The following TNR variants were observed in gnomAD, a reference collection of about 807,000 sequenced individuals.
TNR encodes tenascin R.
TNR carries 45 observed loss-of-function variants against 150.4 expected under a neutral mutation model. The ratio of observed to expected loss-of-function variants is 0.30; its 90% CI spans 0.24 to 0.38. TNR has a LOEUF of 0.38. Ranked by LOEUF, TNR falls within the 10% of genes least tolerant of loss-of-function variation. TNR has a pLI of 1.00. For missense variants in TNR, 1,544 were observed against 1,759.1 expected (o/e 0.88, Z 2.19); for synonymous variants, 687 against 678.4 (o/e 1.01, Z -0.20).
chr1:175,424,795 G>A (rs981955716), intron 2 of TNR, among the ~76,000 whole-genome samples: 2 of 152,302 alleles, frequency 1.3e-5, no homozygotes, highest in East Asian at 3.9e-4. Context: ...AAGCTTCAAA[G>A]TGGGCTGGAA....
chr1:175,552,978 T>C (rs1177079314), intron 1 of TNR, among the ~76,000 whole-genome samples: 1 of 152,168 alleles, frequency 6.6e-6, no homozygotes, highest in East Asian at 1.9e-4. Context: ...CTGAGAGCCC[T>C]CTTGATGAGA....
intron 1 of TNR, among the ~76,000 whole-genome samples, chr1:175,571,423 A>C (rs6658068): frequency 6.6e-6 from 1 of 152,234 alleles, no homozygotes; most frequent in African/African-American, 2.4e-5. Flanking sequence ...TGTTATTACT[A>C]TCTCCATGTT....
chr1:175,406,604 T>C lies in TNR; in HGVS notation c.111A>G (p.Thr37=). 3 of 1,614,228 alleles carry C rather than the reference T, an allele frequency of 1.9e-6. No individual in the cohort carries two copies. Reference sequence around the variant, plus strand: ...CCACTGACTGTCTCTGGACCCTTTCTGTGGTGACCTCCAGCTGACACTCTG... The same window carrying C: ...CCACTGACTGTCTCTGGACCCTTTCCGTGGTGACCTCCAGCTGACACTCTG... The part of the protein sequence containing the change: ...KPSECQLEVT[T]ERVQRQSVEE... Residue 37 remains threonine (T), a synonymous_variant, in exon 3 of 23, where the codon ACA becomes ACG. Coordinates refer to ENST00000367674, the MANE Select transcript of TNR (RefSeq NM_003285.3).
At chr1:175,422,027 G>T (rs766620992) in intron 2 of TNR, among the ~76,000 whole-genome samples, 9 of 152,208 alleles carry the variant, frequency 5.9e-5, no homozygotes, top group Non-Finnish European at 1.0e-4. Flanking sequence ...TTTTACAGAT[G>T]CAGCAATTGA....
intron 9 of TNR, among the ~76,000 whole-genome samples, chr1:175,369,036 G>T (rs1651969643): frequency 6.6e-6 from 1 of 152,172 alleles, no homozygotes; most frequent in South Asian, 2.1e-4. Flanking sequence ...GCCTCCAGTG[G>T]TCAGTCTGAG....
intron 1 of TNR, among the ~76,000 whole-genome samples, chr1:175,614,430 G>A (rs1007516015): frequency 6.4e-4 from 98 of 152,250 alleles, no homozygotes; most frequent in African/African-American, 2.3e-3. Flanking sequence ...ACCTGGCTTG[G>A]GAGGTATGCC....
In TNR at chr1:175,654,831, G is replaced by A. The variant is rs190137539; in HGVS notation, c.-165+88395C>T. 3.0e-3 allele frequency among the ~76,000 whole-genome samples: 427 copies of A among 140,058 alleles called. 6 individuals carry two copies. The highest frequency in any genetic ancestry group is 0.011 in the African/African-American group (414 of 37,430). 91.9% of individuals were successfully genotyped at this position (140,058 alleles called of 152,430 possible). A position where few individuals can be genotyped will look rare whatever the true frequency, so the allele number is the denominator to read the frequency against. The stretch of plus-strand genomic sequence containing the variant: ...CCTCCTGGGTTCACGCCATTCTCCC[G>A]CCTCAGCCTCCCGAGTAGCTGGGAC... On this transcript the variant is annotated intron_variant, in intron 1 of 22. Transcript: ENST00000367674.
At chr1:175,595,238 G>T (rs986775221) in intron 1 of TNR, among the ~76,000 whole-genome samples, 2 of 152,294 alleles carry the variant, frequency 1.3e-5, no homozygotes, top group Non-Finnish European at 2.9e-5. Flanking sequence ...CCAGCTATTG[G>T]TAGAGAATGC....
intron 1 of TNR, among the ~76,000 whole-genome samples, chr1:175,647,435 C>CAAAAAAAAAAA (rs397745737): frequency 1.6e-5 from 2 of 121,666 alleles, no homozygotes; most frequent in African/African-American, 3.1e-5. Flanking sequence ...CTATTCGGTG[C>CAAAAAAAAAAA]AAAAAAAAAA....
chr1:175,552,552 T>C lies in TNR; in HGVS notation c.-164-24183A>G, dbSNP rs545904287. On this transcript the variant is annotated intron_variant, in intron 1 of 22. Coordinates refer to ENST00000367674, the MANE Select transcript of TNR (RefSeq NM_003285.3). ...GAACTCTTAGAGGCTGATTGGCTTATTCATTGTCACACAGCCTGGACTCCA... is the reference window on the plus strand; with the variant it reads ...GAACTCTTAGAGGCTGATTGGCTTACTCATTGTCACACAGCCTGGACTCCA... 1.7e-3 allele frequency among the ~76,000 whole-genome samples: 265 copies of C among 152,342 alleles called. 1 individual carries two copies. The highest frequency in any genetic ancestry group is 2.8e-4 in the Non-Finnish European group (19 of 68,028).
Position 175,421,541 on chromosome 1 carries a change from T to C in TNR, c.-63-14764A>G, listed in dbSNP as rs148752725. Among the ~76,000 whole-genome samples the C allele has an allele frequency of 4.2e-3, 646 of 152,366 alleles. 3 individuals carry two copies. The highest frequency in any genetic ancestry group is 0.015 in the African/African-American group (616 of 41,588). ...GGGCTGTTAGAAGATAATTATAAGA[T>C]AGTCAGTGACGTGTCTTTCTACCAT... On this transcript the variant is annotated intron_variant, in intron 2 of 22. Coordinates refer to ENST00000367674, the MANE Select transcript of TNR (RefSeq NM_003285.3).
intron 1 of TNR, among the ~76,000 whole-genome samples, chr1:175,697,638 C>T (rs1182552194): frequency 6.6e-6 from 1 of 152,178 alleles, no homozygotes; most frequent in African/African-American, 2.4e-5. Flanking sequence ...GTGGACCTTT[C>T]CCCTCACCTG....
chr1:175,701,365 C>T (rs150548110), intron 1 of TNR, among the ~76,000 whole-genome samples: 1 of 152,228 alleles, frequency 6.6e-6, no homozygotes, highest in Non-Finnish European at 1.5e-5. Context: ...ATGCATTACT[C>T]TCAAAATAGT....
intron 1 of TNR, among the ~76,000 whole-genome samples, chr1:175,720,939 C>T (rs1212439094): frequency 6.6e-6 from 1 of 152,196 alleles, no homozygotes; most frequent in Non-Finnish European, 1.5e-5. Context: ...GATTTTACGC[C>T]ACACTGAGAA....
At chr1:175,561,112 C>T (rs1202016634) in intron 1 of TNR, among the ~76,000 whole-genome samples, 2 of 152,206 alleles carry the variant, frequency 1.3e-5, no homozygotes, top group Non-Finnish European at 2.9e-5. Flanking sequence ...TTTCTAGTCT[C>T]TGCTCATTCT....
At chr1:175,707,765 A>G (rs1297419380) in intron 1 of TNR, among the ~76,000 whole-genome samples, 1 of 152,242 alleles carries the variant, frequency 6.6e-6, no homozygotes, top group Non-Finnish European at 1.5e-5. Context: ...ATAGTAGGCA[A>G]TCTCCTGAGG....
At chr1:175,603,246 A>C (rs1042151831) in intron 1 of TNR, among the ~76,000 whole-genome samples, 3 of 152,222 alleles carry the variant, frequency 2.0e-5, no homozygotes, top group Non-Finnish European at 4.4e-5. Context: ...CTTCCCATAC[A>C]TAAAGCATTG....
At chr1:175,351,455 G>C (rs1651047870) in intron 18 of TNR, among the ~76,000 whole-genome samples, 1 of 152,192 alleles carries the variant, frequency 6.6e-6, no homozygotes, top group South Asian at 2.1e-4. Context: ...TCATACTCTT[G>C]AAGGTTATAC....
intron 1 of TNR, among the ~76,000 whole-genome samples, chr1:175,560,852 C>T (rs1461066239): frequency 6.6e-6 from 1 of 152,184 alleles, no homozygotes; most frequent in African/African-American, 2.4e-5. Context: ...CTTTTAAAGC[C>T]TCTGGGTGAC....
Sources: allele counts gnomAD v4.1 joint callset (sites outside exome capture counted in the v4.1 genomes callset), GRCh38; gene constraint gnomAD v4.1.1; transcripts MANE v1.5; gene names NCBI Gene and HGNC (gene_info 2026-07-23, HGNC 2026-07-21).